The following CNTNAP2 variants were observed in gnomAD, a reference collection of about 807,000 sequenced individuals.
The protein encoded by CNTNAP2 is contactin associated protein 2, also known as contactin-associated protein-like 2.
Under a neutral mutation model 155.2 loss-of-function variants are expected in CNTNAP2, and 98 were observed. The observed-to-expected ratio is 0.63, with a 90% CI of 0.54 to 0.75. The LOEUF (loss-of-function observed/expected upper bound fraction) is 0.75. Among genes scored for constraint, CNTNAP2 ranks in the 30% least tolerant of loss-of-function variants. The probability of loss-of-function intolerance (pLI) is 0.00; values close to 1 mark genes in which losing one functional copy is unlikely to be tolerated. For missense variants in CNTNAP2, 1,727 were observed against 1,688.1 expected (o/e 1.02, Z -0.40); for synonymous variants, 651 against 631.2 (o/e 1.03, Z -0.47).
chr7:148,131,260 C>T (rs562560826), intron 16 of CNTNAP2, among the ~76,000 whole-genome samples: 20 of 151,628 alleles, frequency 1.3e-4, no homozygotes, highest in South Asian at 6.3e-4. Context: ...CACCACGCCT[C>T]GCTAATTTTT....
intron 22 of CNTNAP2, among the ~76,000 whole-genome samples, chr7:148,393,054 G>A (rs1799388256): frequency 6.6e-6 from 1 of 151,640 alleles, no homozygotes; most frequent in African/African-American, 2.4e-5. Context: ...CTATCATCTG[G>A]CCATAAAATA....
chr7:148,334,144 T>TA (rs1358111246), intron 21 of CNTNAP2, among the ~76,000 whole-genome samples: 1 of 152,192 alleles, frequency 6.6e-6, no homozygotes, highest in African/African-American at 2.4e-5. Context: ...CAGCATGACT[T>TA]ACGTTCTTTT....
chr7:147,364,763 G>A (rs1454535757), intron 9 of CNTNAP2, among the ~76,000 whole-genome samples: 1 of 151,922 alleles, frequency 6.6e-6, no homozygotes, highest in African/African-American at 2.4e-5. Flanking sequence ...GCAGGAGAAT[G>A]GCGTGAACTC....
At chr7:146,989,392 C>T (rs1031105564) in intron 3 of CNTNAP2, among the ~76,000 whole-genome samples, 1 of 151,918 alleles carries the variant, frequency 6.6e-6, no homozygotes, top group Non-Finnish European at 1.5e-5. Flanking sequence ...CAGGTTGCCC[C>T]AGGAAACAAG....
intron 3 of CNTNAP2, among the ~76,000 whole-genome samples, chr7:146,970,707 C>A (rs994981183): frequency 6.6e-6 from 1 of 152,198 alleles, no homozygotes; most frequent in Non-Finnish European, 1.5e-5. Context: ...CATCCTATTA[C>A]TGGGTATATA....
chr7:147,391,217 T>C (rs1210287371), intron 9 of CNTNAP2, among the ~76,000 whole-genome samples: 1 of 152,144 alleles, frequency 6.6e-6, no homozygotes, highest in Non-Finnish European at 1.5e-5. Flanking sequence ...GAGAGACAAG[T>C]CACTGGTCCA....
At chr7:148,227,882 A>AGT (rs1171106511) in intron 19 of CNTNAP2, among the ~76,000 whole-genome samples, 6 of 125,472 alleles carry the variant, frequency 4.8e-5, no homozygotes, top group Non-Finnish European at 8.5e-5. Flanking sequence ...GGAAGAGCAC[A>AGT]GCGTGTGTGT....
chr7:146,241,901 C>A (rs1188054264), intron 1 of CNTNAP2, among the ~76,000 whole-genome samples: 1 of 151,808 alleles, frequency 6.6e-6, no homozygotes, highest in Non-Finnish European at 1.5e-5. Context: ...AAAAATACTA[C>A]CTAGAAGCCT....
intron 10 of CNTNAP2, among the ~76,000 whole-genome samples, chr7:147,421,950 A>C (rs1797297549): frequency 6.6e-6 from 1 of 151,910 alleles, no homozygotes; most frequent in African/African-American, 2.4e-5. Flanking sequence ...CCAGAAGTTG[A>C]GCAGATGCCG....
chr7:148,198,091 C>A (rs955980446), intron 18 of CNTNAP2, among the ~76,000 whole-genome samples: 9 of 152,146 alleles, frequency 5.9e-5, no homozygotes, highest in African/African-American at 1.9e-4. Flanking sequence ...GTGAAGGGAA[C>A]GATGTCAGGC....
At chr7:146,239,767 A>C (rs749104422) in intron 1 of CNTNAP2, among the ~76,000 whole-genome samples, 1 of 152,192 alleles carries the variant, frequency 6.6e-6, no homozygotes, top group Non-Finnish European at 1.5e-5. Flanking sequence ...GCACCTTGTA[A>C]ATATCACATA....
chr7:146,134,560 C>T (rs1469033525), intron 1 of CNTNAP2, among the ~76,000 whole-genome samples: 3 of 150,802 alleles, frequency 2.0e-5, no homozygotes, highest in East Asian at 1.9e-4. Context: ...TCATAGATAG[C>T]TCTTATTATT....
chr7:147,051,008 T>C lies in CNTNAP2; in HGVS notation c.550+6954T>C, dbSNP rs1188406127. ...TGTGTCTCTGTGTCTTCAAATAGTC[T>C]TCTTCTAAGGACATCGGTTATTGGA... is the stretch of plus-strand genomic sequence containing the variant. On this transcript the variant is annotated intron_variant, in intron 4 of 23. Transcript: ENST00000361727. Among the ~76,000 whole-genome samples the C allele has an allele frequency of 3.9e-5, 6 of 152,048 alleles. No homozygotes were observed. The East Asian group carries it at 9.7e-4, about 24-fold the overall frequency.
intron 12 of CNTNAP2, among the ~76,000 whole-genome samples, chr7:147,624,609 C>G (rs1209238444): frequency 6.6e-6 from 1 of 152,084 alleles, no homozygotes; most frequent in Non-Finnish European, 1.5e-5. Context: ...CAGGCAGTAA[C>G]AAATGCTGGT....
At chr7:147,398,715 A>G (rs1433523615) in intron 10 of CNTNAP2, among the ~76,000 whole-genome samples, 1 of 143,736 alleles carries the variant, frequency 7.0e-6, no homozygotes, top group Non-Finnish European at 1.5e-5. Context: ...AGAATTATGC[A>G]TTCAGTATTT....
Position 146,839,818 on chromosome 7 carries a change from A to G in CNTNAP2, c.316A>G (p.Ser106Gly). 6.2e-7 allele frequency: 1 copy of G among 1,614,186 alleles called. No individual in the cohort carries two copies. The change falls in exon 3 of 24, where the codon AGC becomes GGC. Residue 106 changes from serine (S) to glycine (G), a missense_variant. By Grantham distance (56) the Ser-to-Gly change is moderately conservative. Coordinates refer to ENST00000361727, the MANE Select transcript of CNTNAP2 (RefSeq NM_014141.6). ...SAIATQGRYS[S>G]SDWVTQYRML... ...CATTGCAACCCAAGGAAGGTATAGC[A>G]GCTCAGATTGGGTGACCCAATACCG...
chr7:147,384,952 A>T (rs527363212), intron 9 of CNTNAP2, among the ~76,000 whole-genome samples: 1 of 152,316 alleles, frequency 6.6e-6, no homozygotes, highest in South Asian at 2.1e-4. Context: ...TACAAAAGAA[A>T]GAGGTTTAAT....
intron 1 of CNTNAP2, among the ~76,000 whole-genome samples, chr7:146,173,289 C>T (rs967339664): frequency 6.6e-6 from 1 of 152,004 alleles, no homozygotes; most frequent in South Asian, 2.1e-4. Context: ...TTGAATAATA[C>T]ACTTTTTGAA....
chr7:146,856,791 C>G (rs1006963438), intron 3 of CNTNAP2, among the ~76,000 whole-genome samples: 3 of 152,082 alleles, frequency 2.0e-5, no homozygotes, highest in Non-Finnish European at 2.9e-5. Flanking sequence ...AAAGTCAAAC[C>G]AAAATTGAAG....
Sources: gnomAD v4.1 joint callset for allele counts (sites outside exome capture counted in the v4.1 genomes callset) on GRCh38, gnomAD v4.1.1 for gene constraint, MANE v1.5 for transcripts, NCBI Gene and HGNC (gene_info 2026-07-23, HGNC 2026-07-21) for gene names.